Variants in MGMT observed in about 807,000 individuals in gnomAD.
MGMT encodes the protein O-6-methylguanine-DNA methyltransferase, also known as methylated-DNA--protein-cysteine methyltransferase.
MGMT carries 14 observed loss-of-function variants against 15.9 expected under a neutral mutation model. The ratio of observed to expected loss-of-function variants is 0.88; its 90% CI spans 0.58 to 1.37. MGMT has a LOEUF of 1.37. MGMT is among the 40% of genes most tolerant of loss of function. MGMT has a pLI of 0.00. For synonymous variants in MGMT, 130 were observed against 118.2 expected, an observed-to-expected ratio of 1.10 and a Z score of -0.65; for missense variants, 282 against 268.1, an observed-to-expected ratio of 1.05 and a Z score of -0.36.
Position 129,638,429 on chromosome 10 carries a change from C to CAAAAAAAAAAAAA in MGMT, c.126-69462_126-69450dup. 3.7e-3 allele frequency among the ~76,000 whole-genome samples: 228 copies of CAAAAAAAAAAAAA among 61,690 alleles called. 7 individuals carry two copies. Among genetic ancestry groups the CAAAAAAAAAAAAA allele is most frequent in the Non-Finnish European group, 4.1e-3 (127 of 30,706 alleles). The allele number at this position is 61,690 out of a possible 152,430, so 40.5% of individuals were successfully genotyped here. On this transcript the variant is annotated intron_variant, in intron 2 of 4. Transcript: ENST00000651593. ...GAAGTCCAAGAGAGGACCAAAGAGG[C>CAAAAAAAAAAAAA]AAAAAAAAAAAAAAAAGAAAAAAAA...
chr10:129,595,069 A>G (rs182298795), intron 2 of MGMT, among the ~76,000 whole-genome samples: 79 of 152,206 alleles, frequency 5.2e-4, no homozygotes, highest in Non-Finnish European at 2.6e-4. Flanking sequence ...GATCTTCGCC[A>G]GGGTCCTGTG....
intron 1 of MGMT, among the ~76,000 whole-genome samples, chr10:129,514,868 T>C (rs1327579292): frequency 1.3e-5 from 2 of 152,164 alleles, no homozygotes; most frequent in East Asian, 3.9e-4. Context: ...AGGATTTTGT[T>C]ATGGCAGCTC....
In MGMT at chr10:129,767,176, ATT is replaced by A. The variant is rs1564789488; in HGVS notation, c.*181_*182del. The A allele has an allele frequency of 1.8e-6, 1 of 548,770 alleles. No homozygotes were observed. Among genetic ancestry groups the A allele is most frequent in the Non-Finnish European group, 3.2e-6 (1 of 316,944 alleles). The allele number at this position is 548,770 out of a possible 1,614,324, so 34.0% of individuals were successfully genotyped here. A position where few individuals can be genotyped will look rare whatever the true frequency, so the allele number is the denominator to read the frequency against. ...TTCAGACGCCCGCGGTCCTGCACAC[ATT>A]TGTTTCCTTCTCTAACGCTGCCCTT... On this transcript the variant is annotated 3_prime_UTR_variant, in exon 5 of 5. Transcript: ENST00000651593.
At chr10:129,667,450 C>T (rs1022518271) in intron 2 of MGMT, among the ~76,000 whole-genome samples, 1 of 152,138 alleles carries the variant, frequency 6.6e-6, no homozygotes, top group Non-Finnish European at 1.5e-5. Flanking sequence ...AACTGCATGT[C>T]ACCGTAGCTT....
Position 129,770,556 on chromosome 10 carries a change from G to A in MGMT, c.*3559G>A, listed in dbSNP as rs1172012762. On this transcript the variant is annotated 3_prime_UTR_variant, in exon 5 of 5. Transcript: ENST00000651593. ...TGACCATGGGCGGTGGCGCCAGCTCGGACTTCACCCCGTTGGAGCGGGCAG... is the reference window on the plus strand; with the variant it reads ...TGACCATGGGCGGTGGCGCCAGCTCAGACTTCACCCCGTTGGAGCGGGCAG... 1.3e-5 allele frequency among the ~76,000 whole-genome samples: 2 copies of A among 152,188 alleles called. No individual in the cohort carries two copies. Among genetic ancestry groups the A allele is most frequent in the Non-Finnish European group, 2.9e-5 (2 of 68,040 alleles).
chr10:129,510,161 A>G (rs1017220668), intron 1 of MGMT, among the ~76,000 whole-genome samples: 1 of 152,248 alleles, frequency 6.6e-6, no homozygotes, highest in African/African-American at 2.4e-5. Flanking sequence ...ATCTAAGGAA[A>G]GGAAATGTTC....
In MGMT at chr10:129,536,455, T is replaced by G; in HGVS notation, c.125+78T>G. On this transcript the variant is annotated intron_variant, in intron 2 of 4. Coordinates refer to ENST00000651593, the MANE Select transcript of MGMT (RefSeq NM_002412.5). ...GAGTATATGTGATAACGGCATGTTT[T>G]CCATTGATGGCAGGGTAACGCATAG... 2.0e-6 allele frequency: 3 copies of G among 1,531,076 alleles called. No homozygotes were observed. In the South Asian group the frequency reaches 3.8e-5, roughly 19 times the overall value. 94.8% of individuals were successfully genotyped at this position (1,531,076 alleles called of 1,614,324 possible). A position where few individuals can be genotyped will look rare whatever the true frequency, so the allele number is the denominator to read the frequency against.
At chr10:129,477,039 C>T (rs183658847) in intron 1 of MGMT, among the ~76,000 whole-genome samples, 8 of 152,232 alleles carry the variant, frequency 5.3e-5, no homozygotes, top group Admixed American at 5.2e-4. Flanking sequence ...GCAGTGCTGG[C>T]CTCCTGTGTT....
chr10:129,710,546 G>C (rs992588623), intron 3 of MGMT, among the ~76,000 whole-genome samples: 1 of 152,224 alleles, frequency 6.6e-6, no homozygotes, highest in Admixed American at 6.5e-5. Flanking sequence ...TTACTCCTGG[G>C]CAGGGGCCAG....
intron 2 of MGMT, among the ~76,000 whole-genome samples, chr10:129,605,761 G>GT (rs1846881980): frequency 6.6e-6 from 1 of 152,106 alleles, no homozygotes; most frequent in Non-Finnish European, 1.5e-5. Flanking sequence ...ACATTTCTTT[G>GT]TTTTGCGTAT....
intron 1 of MGMT, among the ~76,000 whole-genome samples, chr10:129,470,819 C>G (rs1299750079): frequency 6.6e-6 from 1 of 152,166 alleles, no homozygotes; most frequent in African/African-American, 2.4e-5. Context: ...CCTCGTGTCC[C>G]CTTCACCCCA....
chr10:129,601,832 G>A (rs1021999346), intron 2 of MGMT, among the ~76,000 whole-genome samples: 1 of 152,204 alleles, frequency 6.6e-6, no homozygotes, highest in South Asian at 2.1e-4. Flanking sequence ...TCGCAGCAAC[G>A]TAAGGATGTG....
intron 4 of MGMT, among the ~76,000 whole-genome samples, chr10:129,766,197 G>A (rs1447525754): frequency 1.3e-5 from 2 of 152,226 alleles, no homozygotes; most frequent in African/African-American, 4.8e-5. Context: ...AAGGGCCAGA[G>A]AGTAAATATG....
rs1345472884 is a variant in MGMT at position 129,769,597 on chromosome 10, G to A, written c.*2600G>A. ...CACGCTCCCCTGTTTCCAGAGAGAT[G>A]AGAGAGTCAGAAGTAATACTTGTTT... On this transcript the variant is annotated 3_prime_UTR_variant, in exon 5 of 5. Transcript: ENST00000651593. Among the ~76,000 whole-genome samples, 1 of 151,778 alleles carries A rather than the reference G, an allele frequency of 6.6e-6. No homozygotes were observed. Among genetic ancestry groups the A allele is most frequent in the East Asian group, 2.0e-4 (1 of 5,128 alleles).
chr10:129,600,962 A>G (rs1361581717), intron 2 of MGMT, among the ~76,000 whole-genome samples: 4 of 152,178 alleles, frequency 2.6e-5, no homozygotes, highest in African/African-American at 9.7e-5. Context: ...TGACAAATTA[A>G]TATTAATATC....
At chr10:129,676,119 A>T (rs1015048128) in intron 2 of MGMT, among the ~76,000 whole-genome samples, 1 of 152,130 alleles carries the variant, frequency 6.6e-6, no homozygotes, top group South Asian at 2.1e-4. Context: ...CCACACCCAG[A>T]TGGGGAGTCG....
intron 2 of MGMT, among the ~76,000 whole-genome samples, chr10:129,633,264 G>A (rs138548637): frequency 1.1e-4 from 17 of 152,248 alleles, no homozygotes; most frequent in Non-Finnish European, 2.1e-4. Flanking sequence ...CAACCTAGAC[G>A]TCCAACACTA....
At chr10:129,542,917 G>A (rs1470135197) in intron 2 of MGMT, among the ~76,000 whole-genome samples, 21 of 152,110 alleles carry the variant, frequency 1.4e-4, no homozygotes, top group Admixed American at 1.4e-3. Context: ...AGTTCCTCTT[G>A]TGACTTATGT....
chr10:129,724,386 T>C (rs1242132802), intron 3 of MGMT, among the ~76,000 whole-genome samples: 1 of 152,166 alleles, frequency 6.6e-6, no homozygotes, highest in Admixed American at 6.5e-5. Context: ...TCTGGGGTTG[T>C]GCAGGCAGTG....
Sources: gnomAD v4.1 joint callset for allele counts (sites outside exome capture counted in the v4.1 genomes callset) on GRCh38, gnomAD v4.1.1 for gene constraint, MANE v1.5 for transcripts, NCBI Gene and HGNC (gene_info 2026-07-23, HGNC 2026-07-21) for gene names.